RAB3C: variants seen among roughly 807,000 people sequenced by gnomAD.
The protein encoded by RAB3C is RAB3C, member RAS oncogene family.
Under a neutral mutation model 26.4 loss-of-function variants are expected in RAB3C, and 17 were observed. The observed-to-expected ratio is 0.64, with a 90% CI of 0.44 to 0.97. The LOEUF is 0.97. Ranked by LOEUF, RAB3C falls within the 50% of genes least tolerant of loss-of-function variation. The pLI is 0.00. For synonymous variants in RAB3C, 91 were observed against 95.9 expected (o/e 0.95, Z 0.30); for missense variants, 242 against 281.9 (o/e 0.86, Z 1.01).
intron 1 of RAB3C, among the ~76,000 whole-genome samples, chr5:58,611,508 T>A (rs1746700691): frequency 6.6e-6 from 1 of 152,202 alleles, no homozygotes; most frequent in Non-Finnish European, 1.5e-5. Context: ...TTCATGTGTT[T>A]GTTGGCCACA....
At chr5:58,701,939 C>T (rs1748850842) in intron 2 of RAB3C, among the ~76,000 whole-genome samples, 1 of 152,038 alleles carries the variant, frequency 6.6e-6, no homozygotes, top group Non-Finnish European at 1.5e-5. Flanking sequence ...AAGTAATATT[C>T]ACAGGTTTGG....
intron 2 of RAB3C, among the ~76,000 whole-genome samples, chr5:58,670,612 T>G (rs757764556): frequency 7.9e-5 from 12 of 152,196 alleles, no homozygotes; most frequent in Non-Finnish European, 1.3e-4. Flanking sequence ...GGAAATGTTA[T>G]CAAAGACAAA....
intron 3 of RAB3C, among the ~76,000 whole-genome samples, chr5:58,771,818 T>A (rs1742034797): frequency 6.6e-6 from 1 of 151,742 alleles, no homozygotes; most frequent in Admixed American, 6.6e-5. Flanking sequence ...GAAAACATCT[T>A]TTTTTTTCTT....
rs78880321 is a variant in RAB3C at position 58,617,370 on chromosome 5, T to G, written c.25-273T>G. 3,109 of 632,368 alleles carry G rather than the reference T, an allele frequency of 4.9e-3. 63 individuals carry two copies. The African/African-American group carries it at 0.049, about 10-fold the overall frequency. The allele number at this position is 632,368 out of a possible 1,614,324, so 39.2% of individuals were successfully genotyped here. A position where few individuals can be genotyped will look rare whatever the true frequency, so the allele number is the denominator to read the frequency against. ...TCATGTTACCCTTATAGACATCCCC[T>G]TTGGTGTCTTTGATTGGTTCTGAAT... On this transcript the variant is annotated intron_variant, in intron 1 of 4. Coordinates refer to ENST00000282878, the MANE Select transcript of RAB3C (RefSeq NM_138453.4).
chr5:58,665,989 C>G (rs909264251), intron 2 of RAB3C, among the ~76,000 whole-genome samples: 2 of 152,054 alleles, frequency 1.3e-5, no homozygotes, highest in Non-Finnish European at 2.9e-5. Flanking sequence ...ATACACTGCA[C>G]TAAAATATTG....
rs73088987 is a variant in RAB3C at position 58,835,258 on chromosome 5, G to A, written c.496+10096G>A. The stretch of plus-strand genomic sequence containing the variant: ...TATTTTACTGAGACTCTGGCACATC[G>A]CTATTTTACTAATTGCCTTCCTTAA... On this transcript the variant is annotated intron_variant, in intron 4 of 4. Transcript: ENST00000282878. Among the ~76,000 whole-genome samples the A allele has an allele frequency of 5.6e-3, 854 of 152,144 alleles. 6 individuals are homozygous for A. The highest frequency in any genetic ancestry group is 0.02 in the African/African-American group (818 of 41,488).
intron 3 of RAB3C, among the ~76,000 whole-genome samples, chr5:58,789,709 T>A (rs1742476235): frequency 1.3e-5 from 2 of 152,094 alleles, no homozygotes; most frequent in Non-Finnish European, 1.5e-5. Context: ...ATTGGAAAAA[T>A]TCATAGAATT....
chr5:58,592,059 C>T (rs1746143771), intron 1 of RAB3C, among the ~76,000 whole-genome samples: 1 of 151,856 alleles, frequency 6.6e-6, no homozygotes, highest in South Asian at 2.1e-4. Context: ...CAACCACACC[C>T]AGCTAATTTT....
intron 3 of RAB3C, among the ~76,000 whole-genome samples, chr5:58,773,302 G>A (rs865798819): frequency 2.0e-5 from 3 of 152,196 alleles, no homozygotes; most frequent in Middle Eastern, 6.8e-3. Flanking sequence ...ACAGAAAGAG[G>A]TGCAAGGAAG....
chr5:58,827,165 G>C (rs1190707971), intron 4 of RAB3C, among the ~76,000 whole-genome samples: 3 of 152,088 alleles, frequency 2.0e-5, no homozygotes, highest in African/African-American at 7.2e-5. Flanking sequence ...ATCCTCTTAG[G>C]ACCTCAGAAA....
chr5:58,834,271 A>C (rs966889358), intron 4 of RAB3C, among the ~76,000 whole-genome samples: 2 of 152,230 alleles, frequency 1.3e-5, no homozygotes, highest in African/African-American at 4.8e-5. Context: ...AGTGGTGGGC[A>C]TGCACCCACC....
chr5:58,633,949 G>A (rs529017668), intron 2 of RAB3C, among the ~76,000 whole-genome samples: 2 of 151,260 alleles, frequency 1.3e-5, no homozygotes, highest in African/African-American at 2.4e-5. Context: ...TGGTTAACAC[G>A]GTGAAACCCC....
At chr5:58,724,810 G>GA (rs561655402) in intron 2 of RAB3C, among the ~76,000 whole-genome samples, 308 of 145,532 alleles carry the variant, frequency 2.1e-3, no homozygotes, top group Middle Eastern at 7.1e-3. Context: ...AGAAACAAAT[G>GA]AAAAAAAAAA....
At chr5:58,682,177 G>T (rs1227173646) in intron 2 of RAB3C, among the ~76,000 whole-genome samples, 1 of 152,178 alleles carries the variant, frequency 6.6e-6, no homozygotes, top group East Asian at 1.9e-4. Flanking sequence ...AAGTGAGCTA[G>T]ACAGAAAGCT....
At chr5:58,734,527 G>A (rs1384688461) in intron 3 of RAB3C, among the ~76,000 whole-genome samples, 3 of 152,012 alleles carry the variant, frequency 2.0e-5, no homozygotes, top group East Asian at 3.9e-4. Context: ...ATTGCTGGTC[G>A]GACCCAACCA....
chr5:58,790,634 G>C (rs1169275264), intron 3 of RAB3C, among the ~76,000 whole-genome samples: 7 of 152,186 alleles, frequency 4.6e-5, no homozygotes, highest in African/African-American at 1.7e-4. Flanking sequence ...AGGACCACTA[G>C]AGCCTACTCT....
chr5:58,619,480 G>A (rs567636070), intron 2 of RAB3C, among the ~76,000 whole-genome samples: 16 of 152,056 alleles, frequency 1.1e-4, no homozygotes, highest in Non-Finnish European at 2.2e-4. Flanking sequence ...AATTCTCAGG[G>A]GCTTTGGTGA....
chr5:58,616,150 T>C (rs761633816), intron 1 of RAB3C, among the ~76,000 whole-genome samples: 17 of 152,172 alleles, frequency 1.1e-4, no homozygotes, highest in Non-Finnish European at 2.2e-4. Context: ...AATCAGCTTT[T>C]ATGGGAAATG....
intron 1 of RAB3C, among the ~76,000 whole-genome samples, chr5:58,607,729 A>G (rs1031067969): frequency 2.6e-5 from 4 of 152,252 alleles, no homozygotes; most frequent in African/African-American, 4.8e-5. Context: ...CAGAAACCCT[A>G]CAAGTGAGAA....
Sources: allele counts gnomAD v4.1 joint callset (sites outside exome capture counted in the v4.1 genomes callset), GRCh38; gene constraint gnomAD v4.1.1; transcripts MANE v1.5; gene names NCBI Gene and HGNC (gene_info 2026-07-23, HGNC 2026-07-21).